SGCZ: variants seen among roughly 807,000 people sequenced by gnomAD.
SGCZ encodes the protein zeta-sarcoglycan.
In SGCZ, 40 loss-of-function variants were observed where a neutral mutation model predicts 41.3. That is an observed-to-expected ratio of 0.97 (90% CI 0.75 to 1.26). The LOEUF (loss-of-function observed/expected upper bound fraction) is 1.26, where lower values mean the gene tolerates loss of function less well. SGCZ is among the 50% of genes most tolerant of loss of function. SGCZ has a pLI of 0.00. For synonymous variants in SGCZ, 206 were observed against 137.5 expected (o/e 1.50, Z -3.49); for missense variants, 552 against 369.8 (o/e 1.49, Z -4.04).
At chr8:14,491,160 T>C (rs1325803340) in intron 2 of SGCZ, among the ~76,000 whole-genome samples, 2 of 152,198 alleles carry the variant, frequency 1.3e-5, no homozygotes, top group Non-Finnish European at 2.9e-5. Context: ...GTACATGTCT[T>C]ATGAAGCAGG....
intron 1 of SGCZ, among the ~76,000 whole-genome samples, chr8:15,143,007 G>A (rs1045796191): frequency 6.6e-6 from 1 of 152,148 alleles, no homozygotes; most frequent in Admixed American, 6.5e-5. Context: ...TGAGAAGGAC[G>A]TACTGTCCTA....
At chr8:14,908,611 G>A (rs970491139) in intron 1 of SGCZ, among the ~76,000 whole-genome samples, 1 of 151,810 alleles carries the variant, frequency 6.6e-6, no homozygotes, top group Admixed American at 6.6e-5. Context: ...TTAGCCGGGC[G>A]TGGTGACAGG....
chr8:14,587,483 C>A (rs1328348285), intron 1 of SGCZ, among the ~76,000 whole-genome samples: 1 of 148,908 alleles, frequency 6.7e-6, no homozygotes, highest in African/African-American at 2.5e-5. Context: ...ACAAGCTGGG[C>A]AACACAGGGA....
At chr8:15,048,646 G>T (rs1029890178) in intron 1 of SGCZ, among the ~76,000 whole-genome samples, 6 of 151,964 alleles carry the variant, frequency 3.9e-5, no homozygotes, top group Non-Finnish European at 5.9e-5. Context: ...GAAAAAGTCA[G>T]ATATTCTCCA....
chr8:14,250,226 C>G (rs1195886346), intron 3 of SGCZ, among the ~76,000 whole-genome samples: 1 of 152,092 alleles, frequency 6.6e-6, no homozygotes, highest in South Asian at 2.1e-4. Context: ...TGGAGTGTGG[C>G]CCCAAATCAT....
intron 1 of SGCZ, among the ~76,000 whole-genome samples, chr8:14,555,133 C>G (rs1803995559): frequency 6.6e-6 from 1 of 151,880 alleles, no homozygotes; most frequent in Non-Finnish European, 1.5e-5. Flanking sequence ...ATGTTTAATT[C>G]ATTGTTATAT....
At chr8:14,842,420 G>A (rs1802953601) in intron 1 of SGCZ, among the ~76,000 whole-genome samples, 2 of 149,966 alleles carry the variant, frequency 1.3e-5, no homozygotes, top group Admixed American at 6.7e-5. Flanking sequence ...AGAAAGGATG[G>A]AAAGAAAGGG....
At chr8:14,869,234 T>C (rs1475192759) in intron 1 of SGCZ, among the ~76,000 whole-genome samples, 2 of 152,116 alleles carry the variant, frequency 1.3e-5, no homozygotes, top group Non-Finnish European at 2.9e-5. Context: ...AAATAGCGTA[T>C]CCACCACGAT....
intron 2 of SGCZ, among the ~76,000 whole-genome samples, chr8:14,477,666 T>G (rs1801399654): frequency 6.6e-6 from 1 of 152,210 alleles, no homozygotes; most frequent in African/African-American, 2.4e-5. Flanking sequence ...ACGTTAGGTC[T>G]AACTTTCTAA....
At chr8:14,422,164 T>C (rs761292724) in intron 2 of SGCZ, among the ~76,000 whole-genome samples, 1 of 152,268 alleles carries the variant, frequency 6.6e-6, no homozygotes, top group African/African-American at 2.4e-5. Context: ...AAATCTCTCA[T>C]GAAAATATAA....
intron 1 of SGCZ, among the ~76,000 whole-genome samples, chr8:14,791,944 T>C (rs1004615845): frequency 1.3e-5 from 2 of 152,254 alleles, no homozygotes; most frequent in Non-Finnish European, 2.9e-5. Flanking sequence ...CTTCAAGCTC[T>C]TTATTTTGTA....
chr8:14,667,114 T>G (rs556910185), intron 1 of SGCZ, among the ~76,000 whole-genome samples: 1 of 152,226 alleles, frequency 6.6e-6, no homozygotes, highest in Non-Finnish European at 1.5e-5. Context: ...GAAGCAGGTA[T>G]GATATAAATA....
chr8:14,772,426 C>CTT (rs201670346), intron 1 of SGCZ, among the ~76,000 whole-genome samples: 5 of 148,384 alleles, frequency 3.4e-5, no homozygotes, highest in African/African-American at 1.2e-4. Context: ...CTTAGTATTT[C>CTT]TTTTTTTTTT....
intron 1 of SGCZ, among the ~76,000 whole-genome samples, chr8:14,664,904 G>A (rs1424777501): frequency 6.6e-6 from 1 of 152,128 alleles, no homozygotes; most frequent in East Asian, 1.9e-4. Flanking sequence ...AGGTGGCTTT[G>A]AGACCAGGTC....
chr8:14,092,842 C>A (rs147565653), intron 7 of SGCZ, among the ~76,000 whole-genome samples: 3,354 of 152,008 alleles, frequency 0.022, 119 homozygotes, highest in African/African-American at 0.076. Context: ...AAAAATGAAC[C>A]AATACAGTAG....
intron 1 of SGCZ, among the ~76,000 whole-genome samples, chr8:14,860,809 C>A (rs1358037787): frequency 1.3e-5 from 2 of 152,114 alleles, no homozygotes; most frequent in Non-Finnish European, 2.9e-5. Context: ...TGGGCTGTGA[C>A]CAACATAGTT....
chr8:14,933,471 G>A (rs1013735640), intron 1 of SGCZ, among the ~76,000 whole-genome samples: 2 of 128,352 alleles, frequency 1.6e-5, no homozygotes, highest in Non-Finnish European at 1.5e-5. Flanking sequence ...TCGCTCTGTC[G>A]TCCAGGCTGG....
At chr8:14,488,606 T>G (rs887671358) in intron 2 of SGCZ, among the ~76,000 whole-genome samples, 1 of 145,330 alleles carries the variant, frequency 6.9e-6, no homozygotes, top group Non-Finnish European at 1.5e-5. Flanking sequence ...AGAAAGACAG[T>G]GCCCCAATCT....
intron 1 of SGCZ, among the ~76,000 whole-genome samples, chr8:14,784,209 C>A (rs1800680373): frequency 8.3e-6 from 1 of 120,028 alleles, no homozygotes; most frequent in South Asian, 3.0e-4. Context: ...TGCCACCGAG[C>A]CTGGCTAATT....
Sources: allele counts gnomAD v4.1 joint callset (sites outside exome capture counted in the v4.1 genomes callset), GRCh38; gene constraint gnomAD v4.1.1; transcripts MANE v1.5; gene names NCBI Gene and HGNC (gene_info 2026-07-23, HGNC 2026-07-21).